The following WRN variants were observed in gnomAD, a reference collection of about 807,000 sequenced individuals.
The protein encoded by WRN is WRN RecQ like helicase, also known as bifunctional 3'-5' exonuclease/ATP-dependent helicase WRN.
In WRN, 149 loss-of-function variants were observed where a neutral mutation model predicts 180.7. That is an observed-to-expected ratio of 0.82 (90% CI 0.72 to 0.94). The LOEUF is 0.94. Ranked by LOEUF, WRN falls within the 40% of genes least tolerant of loss-of-function variation. WRN has a pLI of 0.00. For synonymous variants in WRN, 548 were observed against 568.9 expected (o/e 0.96, Z 0.52); for missense variants, 1,661 against 1,700.1 (o/e 0.98, Z 0.40).
chr8:31,127,990 G>T (rs1451735186), intron 23 of WRN, among the ~76,000 whole-genome samples: 2 of 151,762 alleles, frequency 1.3e-5, no homozygotes, highest in Non-Finnish European at 2.9e-5. Context: ...CACACCTGTA[G>T]TCCCAGTCCT....
At chr8:31,159,887 G>A (rs1803542429) in intron 33 of WRN, among the ~76,000 whole-genome samples, 1 of 148,160 alleles carries the variant, frequency 6.7e-6, no homozygotes, top group South Asian at 2.2e-4. Flanking sequence ...GGAGGTTGCA[G>A]TGAGCCGAGA....
intron 32 of WRN, among the ~76,000 whole-genome samples, chr8:31,156,879 G>C (rs1585536030): frequency 6.6e-6 from 1 of 152,180 alleles, no homozygotes; most frequent in Non-Finnish European, 1.5e-5. Context: ...ACCTATTAGA[G>C]TCTTCTCAGG....
intron 1 of WRN, among the ~76,000 whole-genome samples, chr8:31,043,616 A>G (rs1811738369): frequency 6.6e-6 from 1 of 152,170 alleles, no homozygotes; most frequent in Non-Finnish European, 1.5e-5. Context: ...ACCATGAGAC[A>G]TGTTTAACCT....
At chr8:31,130,478 T>C (rs1450992759) in intron 23 of WRN, among the ~76,000 whole-genome samples, 2 of 152,034 alleles carry the variant, frequency 1.3e-5, no homozygotes. Flanking sequence ...TAATTCTCAT[T>C]TGAATTTATG....
chr8:31,122,885 T>TTC (rs1554528813), intron 21 of WRN, among the ~76,000 whole-genome samples: 12 of 128,464 alleles, frequency 9.3e-5, no homozygotes, highest in African/African-American at 2.1e-4. Flanking sequence ...TTTTTTTTTT[T>TTC]CTATAGGAGG....
chr8:31,049,210 CAAAAAAAAAAA>C (rs72226104), intron 1 of WRN, among the ~76,000 whole-genome samples: 1 of 31,780 alleles, frequency 3.1e-5, no homozygotes, highest in African/African-American at 1.4e-4. Flanking sequence ...GACTCTGTCT[CAAAAAAAAAAA>C]AAAAAAAAAA....
intron 19 of WRN, among the ~76,000 whole-genome samples, chr8:31,112,701 C>T (rs1049638520): frequency 1.3e-5 from 2 of 152,022 alleles, no homozygotes; most frequent in Admixed American, 1.3e-4. Context: ...ATTCTCCTGC[C>T]TCAGTCTCCC....
chr8:31,125,936 A>G (rs932821245), intron 23 of WRN, among the ~76,000 whole-genome samples: 6 of 150,816 alleles, frequency 4.0e-5, no homozygotes, highest in African/African-American at 1.5e-4. Context: ...TTGATGCATA[A>G]TATTAATCAT....
intron 12 of WRN, among the ~76,000 whole-genome samples, 191 bp downstream of exon 12, chr8:31,088,111 G>T (rs1813609807): frequency 6.6e-6 from 1 of 152,150 alleles, no homozygotes; most frequent in Non-Finnish European, 1.5e-5. Flanking sequence ...TAGAAAAATA[G>T]AGTAATAGCA....
chr8:31,158,013 C>T (rs1803458219), intron 33 of WRN, among the ~76,000 whole-genome samples: 1 of 152,202 alleles, frequency 6.6e-6, no homozygotes, highest in African/African-American at 2.4e-5. Flanking sequence ...CAGGTGTGAG[C>T]CATGGCACCT....
intron 1 of WRN, among the ~76,000 whole-genome samples, chr8:31,044,076 C>T (rs1811756080): frequency 1.3e-5 from 2 of 151,994 alleles, no homozygotes; most frequent in Admixed American, 6.5e-5. Flanking sequence ...GAGTCTCACT[C>T]TGTCGCCCAG....
intron 30 of WRN, among the ~76,000 whole-genome samples, chr8:31,148,552 A>G (rs1412925415): frequency 6.6e-6 from 1 of 152,114 alleles, no homozygotes; most frequent in Non-Finnish European, 1.5e-5. Flanking sequence ...CAACTTCCAT[A>G]TATTTATTTA....
At position 31,143,535 on chromosome 8, in the gene WRN, T is replaced by TA. The variant is rs1802743110; in HGVS notation, c.3310-14dup. 1 of 1,546,252 alleles carries TA rather than the reference T, an allele frequency of 6.5e-7. No homozygotes were observed. ...TGAAACTTTTTTTAATGGACCTTTA[T>TA]ATGTTTAAATGCAGTCTAACTTGGA... On this transcript the variant is annotated splice_polypyrimidine_tract_variant and intron_variant, in intron 27 of 34. Transcript: ENST00000298139.
chr8:31,080,982 T>C lies in WRN; in HGVS notation c.955T>C (p.Ser319Pro), dbSNP rs1813281419. 1 of 1,613,914 alleles carries C rather than the reference T, an allele frequency of 6.2e-7. No homozygotes were observed. The highest frequency in any genetic ancestry group is 8.5e-7 in the Non-Finnish European group (1 of 1,179,958). The change falls in exon 9 of 35, where the codon TCC becomes CCC. Residue 319 changes from serine (S) to proline (P), a missense_variant. Coordinates refer to ENST00000298139, the MANE Select transcript of WRN (RefSeq NM_000553.6). ...LRPSNNLNLL[S>P]FEDSTTGGVQ... The stretch of plus-strand genomic sequence containing the variant: ...GCCCAGCAATAATTTAAACTTATTA[T>C]CCTTTGAAGATTCAACTACTGGGGG...
chr8:31,121,440 T>C (rs761286648), intron 21 of WRN, among the ~76,000 whole-genome samples: 5 of 152,008 alleles, frequency 3.3e-5, no homozygotes, highest in Non-Finnish European at 7.4e-5. Context: ...CCTGCTTCCA[T>C]AGAATTCAGT....
chr8:31,080,457 T>TC (rs1334713798), intron 8 of WRN, among the ~76,000 whole-genome samples: 1 of 151,832 alleles, frequency 6.6e-6, no homozygotes, highest in Non-Finnish European at 1.5e-5. Context: ...AACACCTTTT[T>TC]TTTTTTAACA....
At chr8:31,086,441 G>A (rs1367818981) in intron 11 of WRN, among the ~76,000 whole-genome samples, 4 of 152,202 alleles carry the variant, frequency 2.6e-5, no homozygotes, top group East Asian at 3.9e-4. Flanking sequence ...GGGTGTGGTG[G>A]CATGTGCCTT....
Position 31,124,627 on chromosome 8 carries a change from T to C in WRN, c.2732+4T>C, listed in dbSNP as rs1262068970. ...ATTCTAGCAGATGTAGGAGACAGTA[T>C]GTATTATTTATTTTATGCCAATAGT... On this transcript the variant is annotated splice_donor_region_variant and intron_variant, in intron 22 of 34. Coordinates refer to ENST00000298139, the MANE Select transcript of WRN (RefSeq NM_000553.6). 1 of 1,602,260 alleles carries C rather than the reference T, an allele frequency of 6.2e-7. No individual in the cohort carries two copies. The highest frequency in any genetic ancestry group is 2.2e-5 in the East Asian group (1 of 44,682).
intron 17 of WRN, among the ~76,000 whole-genome samples, chr8:31,099,062 A>G (rs556680813): frequency 1.5e-4 from 23 of 151,620 alleles, no homozygotes; most frequent in South Asian, 4.2e-4. Context: ...AGTGCTAGTT[A>G]TGAAAGAAAG....
Sources: allele counts gnomAD v4.1 joint callset (sites outside exome capture counted in the v4.1 genomes callset), GRCh38; gene constraint gnomAD v4.1.1; transcripts MANE v1.5; gene names NCBI Gene and HGNC (gene_info 2026-07-23, HGNC 2026-07-21).